Variants in FRMD4B observed in about 807,000 individuals in gnomAD.
FRMD4B encodes the protein FERM domain containing 4B, also known as FERM domain-containing protein 4B.
FRMD4B carries 74 observed loss-of-function variants against 141.5 expected under a neutral mutation model. The ratio of observed to expected loss-of-function variants is 0.52; its 90% CI spans 0.43 to 0.63. The LOEUF is 0.63. FRMD4B is among the 30% of genes least tolerant of loss of function. The probability of loss-of-function intolerance (pLI) is 0.00; values close to 1 mark genes in which losing one functional copy is unlikely to be tolerated. For missense variants in FRMD4B, 1,366 were observed against 1,253.4 expected, an observed-to-expected ratio of 1.09 and a Z score of -1.36; for synonymous variants, 506 against 467.9, an observed-to-expected ratio of 1.08 and a Z score of -1.05.
At chr3:69,459,034 C>G (rs1444161507) in intron 1 of FRMD4B, among the ~76,000 whole-genome samples, 1 of 152,138 alleles carries the variant, frequency 6.6e-6, no homozygotes, top group African/African-American at 2.4e-5. Context: ...CTTCCTGAGA[C>G]TCTGAGTCTG....
intron 4 of FRMD4B, among the ~76,000 whole-genome samples, chr3:69,288,606 C>T (rs1202444924): frequency 6.6e-6 from 1 of 152,184 alleles, no homozygotes; most frequent in Non-Finnish European, 1.5e-5. Flanking sequence ...TTTCATAATC[C>T]TGTACTGATG....
At chr3:69,320,024 T>A (rs759795499) in intron 1 of FRMD4B, among the ~76,000 whole-genome samples, 2 of 152,132 alleles carry the variant, frequency 1.3e-5, no homozygotes, top group Non-Finnish European at 2.9e-5. Flanking sequence ...TTAGACGGTA[T>A]CTATTAACCA....
chr3:69,284,962 G>T (rs1700623716), intron 5 of FRMD4B, among the ~76,000 whole-genome samples: 1 of 152,148 alleles, frequency 6.6e-6, no homozygotes, highest in Non-Finnish European at 1.5e-5. Flanking sequence ...AGGAGGTTGA[G>T]ACCAGTCTGG....
chr3:69,199,652 G>A (rs2092947124), intron 11 of FRMD4B, among the ~76,000 whole-genome samples: 1 of 152,184 alleles, frequency 6.6e-6, no homozygotes, highest in African/African-American at 2.4e-5. Flanking sequence ...CCTCTTCTTG[G>A]TTTCTGAGCT....
At chr3:69,449,572 A>G (rs754277022) in intron 1 of FRMD4B, among the ~76,000 whole-genome samples, 3 of 152,244 alleles carry the variant, frequency 2.0e-5, no homozygotes, top group Non-Finnish European at 4.4e-5. Context: ...CAGATCATCC[A>G]GTCCTATGAT....
At chr3:69,232,265 G>GC (rs111474901) in intron 7 of FRMD4B, among the ~76,000 whole-genome samples, 2,347 of 152,266 alleles carry the variant, frequency 0.015, 70 homozygotes, top group African/African-American at 0.053. Context: ...CAGAGAGAAT[G>GC]CCCATAAATC....
At chr3:69,178,682 A>G (rs2092674890) in intron 21 of FRMD4B, among the ~76,000 whole-genome samples, 1 of 147,710 alleles carries the variant, frequency 6.8e-6, no homozygotes, top group Non-Finnish European at 1.5e-5. Context: ...TAAAAAAGAA[A>G]AAAAAAAAAA....
chr3:69,489,377 A>G (rs559899213), intron 1 of FRMD4B, among the ~76,000 whole-genome samples: 62 of 149,902 alleles, frequency 4.1e-4, no homozygotes, highest in African/African-American at 1.5e-3. Context: ...AGATATATGT[A>G]TATAAAATGT....
chr3:69,407,768 C>T (rs549528427), intron 2 of FRMD4B, among the ~76,000 whole-genome samples: 4 of 152,126 alleles, frequency 2.6e-5, no homozygotes, highest in Non-Finnish European at 4.4e-5. Flanking sequence ...GCAATATCTG[C>T]CATAGGCCCA....
intron 1 of FRMD4B, among the ~76,000 whole-genome samples, chr3:69,363,392 CTT>C (rs1270266886): frequency 1.1e-4 from 15 of 136,380 alleles, no homozygotes; most frequent in Admixed American, 2.9e-4. Context: ...GCCTCCATGC[CTT>C]TTTTTTTTTT....
At chr3:69,353,871 C>T (rs1264212917) in intron 1 of FRMD4B, among the ~76,000 whole-genome samples, 2 of 152,192 alleles carry the variant, frequency 1.3e-5, no homozygotes, top group African/African-American at 2.4e-5. Flanking sequence ...GCCACTCAAA[C>T]GCTTTCTTTA....
chr3:69,183,449 A>G (rs2092729907), intron 19 of FRMD4B, among the ~76,000 whole-genome samples: 1 of 149,256 alleles, frequency 6.7e-6, no homozygotes, highest in Non-Finnish European at 1.5e-5. Context: ...ACTTCCCAGC[A>G]TGGTGACAAC....
upstream of FRMD4B, among the ~76,000 whole-genome samples, chr3:69,390,904 A>AAAT (rs1412390348): frequency 6.6e-6 from 1 of 151,976 alleles, no homozygotes; most frequent in East Asian, 1.9e-4. Context: ...AAAATAAATA[A>AAAT]AAAATAAAAT....
intron 1 of FRMD4B, among the ~76,000 whole-genome samples, chr3:69,510,154 C>T (rs1200703547): frequency 6.6e-6 from 1 of 151,982 alleles, no homozygotes; most frequent in African/African-American, 2.4e-5. Flanking sequence ...AGACAGGGTT[C>T]TGGGATTAAA....
chr3:69,210,656 C>T (rs903825019), intron 11 of FRMD4B, among the ~76,000 whole-genome samples: 1 of 152,142 alleles, frequency 6.6e-6, no homozygotes, highest in Non-Finnish European at 1.5e-5. Flanking sequence ...GTCACACCTT[C>T]AGGCATGATG....
At chr3:69,368,965 T>G (rs1479694749) in intron 1 of FRMD4B, among the ~76,000 whole-genome samples, 1 of 152,224 alleles carries the variant, frequency 6.6e-6, no homozygotes, top group East Asian at 1.9e-4. Context: ...CCAGCTTGTT[T>G]TCTTCTTTTT....
intron 7 of FRMD4B, among the ~76,000 whole-genome samples, chr3:69,244,958 T>G (rs1415809848): frequency 4.6e-5 from 7 of 152,200 alleles, no homozygotes. Context: ...AAGGCCATGA[T>G]GAACATCTTT....
At chr3:69,490,806 C>A (rs1329229659) in intron 1 of FRMD4B, among the ~76,000 whole-genome samples, 1 of 152,148 alleles carries the variant, frequency 6.6e-6, no homozygotes, top group East Asian at 1.9e-4. Context: ...TAATAAGAGA[C>A]GTTGGCCGAT....
At chr3:69,256,770 T>TGGC in intron 5 of FRMD4B, among the ~76,000 whole-genome samples, 1 of 152,296 alleles carries the variant, frequency 6.6e-6, no homozygotes, top group South Asian at 2.1e-4. Context: ...CTCTGCCCCC[T>TGGC]AGAAAGCCAG....
Sources: gnomAD v4.1 joint callset for allele counts (sites outside exome capture counted in the v4.1 genomes callset) on GRCh38, gnomAD v4.1.1 for gene constraint, MANE v1.5 for transcripts, NCBI Gene and HGNC (gene_info 2026-07-23, HGNC 2026-07-21) for gene names.